CSMD2: variants seen among roughly 807,000 people sequenced by gnomAD.
The protein encoded by CSMD2 is CUB and Sushi multiple domains 2, also known as CUB and sushi domain-containing protein 2.
A neutral mutation model predicts 398.5 loss-of-function variants in CSMD2; 130 were observed. The observed-to-expected ratio is 0.33, with a 90% CI of 0.28 to 0.38. The LOEUF (loss-of-function observed/expected upper bound fraction) is 0.38. CSMD2 is among the 10% of genes least tolerant of loss of function. The probability of loss-of-function intolerance (pLI) is 1.00; values close to 1 mark genes in which losing one functional copy is unlikely to be tolerated. For missense variants in CSMD2, 3,829 were observed against 4,764.9 expected, an observed-to-expected ratio of 0.80 and a Z score of 5.78; for synonymous variants, 1,828 against 1,908.5, an observed-to-expected ratio of 0.96 and a Z score of 1.10.
Position 34,165,154 on chromosome 1 carries a change from T to A in CSMD2, c.-57A>T. On this transcript the variant is annotated 5_prime_UTR_variant, in exon 1 of 71. Transcript: ENST00000373381. Reference sequence around the variant, plus strand: ...CGCTCGCCGCCGAGGAGAAAGGAGGTCAGGAGAGCTCTGGAGCTTTTTTCT... The same window carrying A: ...CGCTCGCCGCCGAGGAGAAAGGAGGACAGGAGAGCTCTGGAGCTTTTTTCT... The A allele has an allele frequency of 8.3e-7, 1 of 1,200,744 alleles. No individual in the cohort carries two copies. Among genetic ancestry groups the A allele is most frequent in the Non-Finnish European group, 1.0e-6 (1 of 967,892 alleles). 74.4% of individuals were successfully genotyped at this position (1,200,744 alleles called of 1,614,324 possible). A position where few individuals can be genotyped will look rare whatever the true frequency, so the allele number is the denominator to read the frequency against.
At chr1:33,809,238 A>G (rs188282742) in intron 10 of CSMD2, among the ~76,000 whole-genome samples, 267 of 150,672 alleles carry the variant, frequency 1.8e-3, no homozygotes, top group African/African-American at 6.0e-3. Context: ...AAAAACAAAT[A>G]ACAGGCCAAG....
At chr1:33,566,200 AG>A (rs2148675547) in intron 53 of CSMD2, among the ~76,000 whole-genome samples, 1 of 152,150 alleles carries the variant, frequency 6.6e-6, no homozygotes, top group African/African-American at 2.4e-5. Flanking sequence ...ATATATTCAA[AG>A]ACCCATAGAA....
At chr1:33,992,710 T>C (rs1401953154) in intron 3 of CSMD2, among the ~76,000 whole-genome samples, 1 of 148,596 alleles carries the variant, frequency 6.7e-6, no homozygotes, top group Non-Finnish European at 1.5e-5. Context: ...CTACTAAAAA[T>C]AAAAATAAAA....
chr1:33,731,065 A>G (rs572417039), intron 15 of CSMD2, among the ~76,000 whole-genome samples: 94 of 152,352 alleles, frequency 6.2e-4, no homozygotes, highest in African/African-American at 2.2e-3. Flanking sequence ...CCACTAGCCA[A>G]TGACACAATT....
At position 33,646,853 on chromosome 1, in the gene CSMD2, C is replaced by A. The variant is rs200719237; in HGVS notation, c.4587-18G>T. The A allele has an allele frequency of 1.8e-5, 28 of 1,542,082 alleles. No individual in the cohort carries two copies. The highest frequency in any genetic ancestry group is 2.1e-5 in the Non-Finnish European group (24 of 1,123,604). On this transcript the variant is annotated intron_variant, in intron 28 of 70. Transcript: ENST00000373381. ...GGTTAAAGCTGGGGAACAAAAACAT[C>A]CCACCCCCACCCCACTAAGGTCAAA...
At chr1:34,012,126 G>A (rs1647425861) in intron 3 of CSMD2, among the ~76,000 whole-genome samples, 1 of 152,142 alleles carries the variant, frequency 6.6e-6, no homozygotes, top group Admixed American at 6.5e-5. Context: ...TGGCCCCACA[G>A]CCTCTCCGAT....
At chr1:33,993,863 C>T (rs576011435) in intron 3 of CSMD2, among the ~76,000 whole-genome samples, 4 of 152,286 alleles carry the variant, frequency 2.6e-5, no homozygotes, top group Admixed American at 6.5e-5. Flanking sequence ...CTCCCCTGCC[C>T]GCACCTTATC....
At position 33,824,515 on chromosome 1, in the gene CSMD2, C is replaced by T. The variant is rs186389388; in HGVS notation, c.1111+1182G>A. Reference sequence around the variant, plus strand: ...ATCCCCAACCCAGGCTCGGTTCAGTCGGAGCCTGAGACCAAAGTGCCTCTT... The same window carrying T: ...ATCCCCAACCCAGGCTCGGTTCAGTTGGAGCCTGAGACCAAAGTGCCTCTT... On this transcript the variant is annotated intron_variant, in intron 7 of 70. Coordinates refer to ENST00000373381, the MANE Select transcript of CSMD2 (RefSeq NM_001281956.2). Among the ~76,000 whole-genome samples the T allele has an allele frequency of 7.2e-3, 1,093 of 152,314 alleles. 13 individuals are homozygous for T. The highest frequency in any genetic ancestry group is 0.025 in the African/African-American group (1,042 of 41,562).
chr1:33,616,499 A>G (rs1220819332), intron 39 of CSMD2, among the ~76,000 whole-genome samples: 1 of 152,158 alleles, frequency 6.6e-6, no homozygotes, highest in Non-Finnish European at 1.5e-5. Context: ...CGGCCTCCCA[A>G]AGTGCTGGGA....
chr1:33,550,813 A>C (rs1295773715), intron 55 of CSMD2, among the ~76,000 whole-genome samples: 1 of 152,186 alleles, frequency 6.6e-6, no homozygotes, highest in Non-Finnish European at 1.5e-5. Context: ...AGTTGTCCCC[A>C]ACCTGTCCCT....
intron 1 of CSMD2, among the ~76,000 whole-genome samples, chr1:34,146,129 G>A (rs901804403): frequency 6.6e-6 from 1 of 152,114 alleles, no homozygotes; most frequent in African/African-American, 2.4e-5. Flanking sequence ...TCACTCCTGG[G>A]CTCAAGTGAA....
chr1:33,724,422 A>G, intron 18 of CSMD2, 94 bp downstream of exon 18: 1 of 1,535,340 alleles, frequency 6.5e-7, no homozygotes, highest in Non-Finnish European at 8.9e-7. Context: ...ACCTTCGCTG[A>G]TGGGGTGAGG....
At chr1:34,095,490 C>T (rs1280883189) in intron 1 of CSMD2, among the ~76,000 whole-genome samples, 1 of 150,660 alleles carries the variant, frequency 6.6e-6, no homozygotes, top group African/African-American at 2.4e-5. Context: ...TTGAAAGGAT[C>T]AACAAAATAG....
intron 13 of CSMD2, among the ~76,000 whole-genome samples, chr1:33,746,719 C>A (rs68078334): frequency 0.25 from 38,492 of 152,112 alleles, 5,494 homozygotes; most frequent in African/African-American, 0.39. Flanking sequence ...TCCCTAGTGG[C>A]TCCCACAATG....
chr1:33,579,841 G>A (rs1638569797), intron 48 of CSMD2, among the ~76,000 whole-genome samples: 1 of 152,032 alleles, frequency 6.6e-6, no homozygotes. Context: ...ACCATGCCTG[G>A]CTAATTTTTG....
chr1:33,604,589 C>G (rs149987636), intron 42 of CSMD2, among the ~76,000 whole-genome samples: 1 of 152,292 alleles, frequency 6.6e-6, no homozygotes, highest in African/African-American at 2.4e-5. Context: ...ACTGCCCTTG[C>G]TAAGGCTTCC....
chr1:33,848,675 C>G (rs1157867057), intron 5 of CSMD2, among the ~76,000 whole-genome samples: 1 of 152,216 alleles, frequency 6.6e-6, no homozygotes, highest in Non-Finnish European at 1.5e-5. Flanking sequence ...CACCAAACTT[C>G]AGGAATATAA....
chr1:34,142,501 C>A (rs1004640616), intron 1 of CSMD2, among the ~76,000 whole-genome samples: 1 of 152,210 alleles, frequency 6.6e-6, no homozygotes, highest in Non-Finnish European at 1.5e-5. Context: ...CTGTTCAAGG[C>A]AGGCAGAAGG....
chr1:34,086,416 G>A (rs11811558), intron 2 of CSMD2, among the ~76,000 whole-genome samples: 57,881 of 152,018 alleles, frequency 0.38, 11,746 homozygotes, highest in African/African-American at 0.52. Flanking sequence ...TGCACGTTAA[G>A]TGCCTTCTCC....
Sources: gnomAD v4.1 joint callset for allele counts (sites outside exome capture counted in the v4.1 genomes callset) on GRCh38, gnomAD v4.1.1 for gene constraint, MANE v1.5 for transcripts, NCBI Gene and HGNC (gene_info 2026-07-23, HGNC 2026-07-21) for gene names.